ECHDC3: variants seen among roughly 807,000 people sequenced by gnomAD.
ECHDC3 encodes the protein enoyl-CoA hydratase domain containing 3, also known as enoyl-CoA hydratase domain-containing protein 3, mitochondrial.
Under a neutral mutation model 17.9 loss-of-function variants are expected in ECHDC3, and 20 were observed. The observed-to-expected ratio is 1.12, with a 90% CI of 0.79 to 1.63. The LOEUF is 1.63. ECHDC3 is among the 40% of genes most tolerant of loss of function. The probability of loss-of-function intolerance (pLI) is 0.00; values close to 1 mark genes in which losing one functional copy is unlikely to be tolerated. For missense variants in ECHDC3, 407 were observed against 357.7 expected, an observed-to-expected ratio of 1.14 and a Z score of -1.11; for synonymous variants, 177 against 149.7, an observed-to-expected ratio of 1.18 and a Z score of -1.33.
Position 11,742,631 on chromosome 10 carries a change from C to T in ECHDC3, c.55C>T (p.Arg19Trp), listed in dbSNP as rs1295077176. The change falls in exon 1 of 5, where the codon CGG (arginine) becomes TGG (tryptophan). Residue 19 changes from arginine (R) to tryptophan (W), a missense_variant. Coordinates refer to ENST00000379215, the MANE Select transcript of ECHDC3 (RefSeq NM_024693.5). ...CGGGGCAAGTGGGCCCATGTGTCTCCGGCGCGGCCCCTGGGCCCAGCTCCC... is the reference window on the plus strand; with the variant it reads ...CGGGGCAAGTGGGCCCATGTGTCTCTGGCGCGGCCCCTGGGCCCAGCTCCC... ...AFGASGPMCL[R>W]RGPWAQLPAR... The T allele has an allele frequency of 7.8e-7, 1 of 1,279,366 alleles. No individual in the cohort carries two copies. The highest frequency in any genetic ancestry group is 9.9e-7 in the Non-Finnish European group (1 of 1,013,962). The allele number at this position is 1,279,366 out of a possible 1,614,324, so 79.3% of individuals were successfully genotyped here. A position where few individuals can be genotyped will look rare whatever the true frequency, so the allele number is the denominator to read the frequency against.
chr10:11,743,237 C>T (rs1047289991), intron 1 of ECHDC3, among the ~76,000 whole-genome samples: 5 of 152,218 alleles, frequency 3.3e-5, no homozygotes, highest in African/African-American at 1.2e-4. Flanking sequence ...GTGGAGGGCC[C>T]TACCCCCTCC....
At chr10:11,748,822 G>T (rs931541742) in intron 2 of ECHDC3, among the ~76,000 whole-genome samples, 3 of 152,318 alleles carry the variant, frequency 2.0e-5, no homozygotes, top group African/African-American at 4.8e-5. Flanking sequence ...GGAGGCAGAG[G>T]TTGCAGTGAG....
At chr10:11,745,790 C>G (rs1832752416) in intron 1 of ECHDC3, among the ~76,000 whole-genome samples, 2 of 152,120 alleles carry the variant, frequency 1.3e-5, no homozygotes, top group African/African-American at 4.8e-5. Flanking sequence ...GCTCTTTGCC[C>G]ATTTCTTGTA....
intron 1 of ECHDC3, among the ~76,000 whole-genome samples, chr10:11,744,948 A>C (rs1588461574): frequency 6.6e-6 from 1 of 152,188 alleles, no homozygotes; most frequent in African/African-American, 2.4e-5. Flanking sequence ...GCCTGGGAAG[A>C]GTGTGGAGGA....
At chr10:11,744,622 G>C (rs1443841738) in intron 1 of ECHDC3, among the ~76,000 whole-genome samples, 1 of 152,098 alleles carries the variant, frequency 6.6e-6, no homozygotes, top group Non-Finnish European at 1.5e-5. Flanking sequence ...TGGAGCTCTC[G>C]GTGCAAGGCA....
At chr10:11,746,376 A>G (rs1832760356) in intron 1 of ECHDC3, among the ~76,000 whole-genome samples, 1 of 151,480 alleles carries the variant, frequency 6.6e-6, no homozygotes, top group Non-Finnish European at 1.5e-5. Context: ...GTACAGAAAA[A>G]TAGAATGAAT....
chr10:11,759,892 A>G (rs143376984), intron 4 of ECHDC3, among the ~76,000 whole-genome samples: 1 of 152,318 alleles, frequency 6.6e-6, no homozygotes, highest in East Asian at 1.9e-4. Context: ...AATCCTTGCA[A>G]TACTGCAGGA....
intron 1 of ECHDC3, among the ~76,000 whole-genome samples, chr10:11,745,272 A>G (rs1886387): frequency 0.93 from 141,793 of 152,008 alleles, 66,976 homozygotes; most frequent in Non-Finnish European, 1. Context: ...CGCGGCGCAC[A>G]ATGGCCTCGG....
In ECHDC3 at chr10:11,742,761, G is replaced by C; in HGVS notation, c.170+15G>C. The C allele has an allele frequency of 8.2e-7, 1 of 1,225,332 alleles. No homozygotes were observed. The highest frequency in any genetic ancestry group is 1.0e-6 in the Non-Finnish European group (1 of 983,672). The allele number at this position is 1,225,332 out of a possible 1,614,324, so 75.9% of individuals were successfully genotyped here. ...GACGGCATAAGGTCAGCCCCGGGCC[G>C]CGCGGGCTCCTCGCGTTGGTGCCGA... On this transcript the variant is annotated intron_variant, in intron 1 of 4. Coordinates refer to ENST00000379215, the MANE Select transcript of ECHDC3 (RefSeq NM_024693.5).
rs576018360 is a variant in ECHDC3 at position 11,746,072 on chromosome 10, AATC to A, written c.171-1276_171-1274del. ...CCTAGGTGCAGTAGCTCACGTCTGT[AATC>A]CCAGCACTTTGGGAGGCTGAGGCGG... On this transcript the variant is annotated intron_variant, in intron 1 of 4. Coordinates refer to ENST00000379215, the MANE Select transcript of ECHDC3 (RefSeq NM_024693.5). Among the ~76,000 whole-genome samples the A allele has an allele frequency of 2.6e-5, 4 of 152,310 alleles. 1 individual carries two copies. The East Asian group carries it at 7.7e-4, about 29-fold the overall frequency.
chr10:11,751,253 G>A (rs1259799683), intron 3 of ECHDC3, among the ~76,000 whole-genome samples: 1 of 152,114 alleles, frequency 6.6e-6, no homozygotes. Context: ...GCATAGCCAT[G>A]GGCCACAGGG....
Position 11,755,419 on chromosome 10 carries a change from C to G in ECHDC3, c.402C>G (p.His134Gln). The G allele has an allele frequency of 6.2e-7, 1 of 1,611,014 alleles. No individual in the cohort carries two copies. The highest frequency in any genetic ancestry group is 8.5e-7 in the Non-Finnish European group (1 of 1,177,700). ...TGTTTGTCCCGCAGGTCATGATGCA[C>G]ATCCGGAACCACCCCGTTCCCGTCA... is the stretch of plus-strand genomic sequence containing the variant. ...VFQTCSKVMM[H>Q]IRNHPVPVIA... Residue 134 changes from histidine (H) to glutamine (Q), a missense_variant, in exon 4 of 5, where the codon CAC becomes CAG. By Grantham distance (24) the His-to-Gln change is conservative (BLOSUM62 0). Coordinates refer to ENST00000379215, the MANE Select transcript of ECHDC3 (RefSeq NM_024693.5).
chr10:11,761,651 C>A (rs1158330310), intron 4 of ECHDC3, among the ~76,000 whole-genome samples: 1 of 152,200 alleles, frequency 6.6e-6, no homozygotes, highest in African/African-American at 2.4e-5. Flanking sequence ...GCTGGGCCCC[C>A]ACAAGGGTAG....
At chr10:11,755,807 CTG>C in intron 4 of ECHDC3, 199 bp downstream of exon 4, 3 of 530,274 alleles carry the variant, frequency 5.7e-6, no homozygotes, top group Non-Finnish European at 9.9e-6. Flanking sequence ...GCCTGTTCCT[CTG>C]TAGCTTCTGA....
At chr10:11,750,387 T>G (rs1832810889) in intron 3 of ECHDC3, among the ~76,000 whole-genome samples, 1 of 152,252 alleles carries the variant, frequency 6.6e-6, no homozygotes, top group Non-Finnish European at 1.5e-5. Context: ...TTTGAATGCT[T>G]CTTTCAACCA....
At chr10:11,752,950 A>T (rs186236200) in intron 3 of ECHDC3, among the ~76,000 whole-genome samples, 1 of 152,210 alleles carries the variant, frequency 6.6e-6, no homozygotes, top group East Asian at 1.9e-4. Context: ...ACTGCCATTT[A>T]TTTATTTTGT....
At position 11,742,532 on chromosome 10, in the gene ECHDC3, CG is replaced by C. The variant is rs1832705379; in HGVS notation, c.-43del. 1 of 1,256,296 alleles carries C rather than the reference CG, an allele frequency of 8.0e-7. No individual in the cohort carries two copies. Among genetic ancestry groups the C allele is most frequent in the African/African-American group, 1.6e-5 (1 of 63,946 alleles). 77.8% of individuals were successfully genotyped at this position (1,256,296 alleles called of 1,614,324 possible). ...CCTCGGAGCGCCCAGCACCTGCGGC[CG>C]GCCAGGCAGCGCGATCCTGCGGCGT... is the stretch of plus-strand genomic sequence containing the variant. On this transcript the variant is annotated 5_prime_UTR_variant, in exon 1 of 5. Coordinates refer to ENST00000379215, the MANE Select transcript of ECHDC3 (RefSeq NM_024693.5).
At chr10:11,762,307 C>G (rs1173374623) in intron 4 of ECHDC3, among the ~76,000 whole-genome samples, 1 of 152,248 alleles carries the variant, frequency 6.6e-6, no homozygotes, top group African/African-American at 2.4e-5. Context: ...CAGGATGACA[C>G]CCAGGGAAAA....
At chr10:11,743,227 G>C (rs1832716636) in intron 1 of ECHDC3, among the ~76,000 whole-genome samples, 1 of 152,226 alleles carries the variant, frequency 6.6e-6, no homozygotes, top group Admixed American at 6.5e-5. Flanking sequence ...AGTCATGAAG[G>C]TGGAGGGCCC....
Sources: allele counts gnomAD v4.1 joint callset (sites outside exome capture counted in the v4.1 genomes callset), GRCh38; gene constraint gnomAD v4.1.1; transcripts MANE v1.5; gene names NCBI Gene and HGNC (gene_info 2026-07-23, HGNC 2026-07-21).